The following RSPRY1 variants were observed in gnomAD, a reference collection of about 807,000 sequenced individuals.
The protein encoded by RSPRY1 is ring finger and SPRY domain containing 1.
A neutral mutation model predicts 73.1 loss-of-function variants in RSPRY1; 23 were observed. The ratio of observed to expected loss-of-function variants is 0.31; its 90% CI spans 0.23 to 0.45. The LOEUF (loss-of-function observed/expected upper bound fraction) is 0.45, where lower values mean the gene tolerates loss of function less well. RSPRY1 is among the 20% of genes least tolerant of loss of function. RSPRY1 has a pLI of 1.00. For missense variants in RSPRY1, 448 were observed against 698.7 expected (o/e 0.64, Z 4.05); for synonymous variants, 226 against 251.4 (o/e 0.90, Z 0.95).
At chr16:57,210,415 A>G (rs2074817751) in intron 4 of RSPRY1, among the ~76,000 whole-genome samples, 1 of 152,044 alleles carries the variant, frequency 6.6e-6, no homozygotes, top group African/African-American at 2.4e-5. Context: ...AAATAGAAGC[A>G]TTTAAGGCTG....
chr16:57,204,579 A>C lies in RSPRY1; in HGVS notation c.-80A>C. The C allele has an allele frequency of 7.8e-7, 1 of 1,274,220 alleles. No individual in the cohort carries two copies. Among genetic ancestry groups the C allele is most frequent in the African/African-American group, 1.5e-5 (1 of 67,936 alleles). 78.9% of individuals were successfully genotyped at this position (1,274,220 alleles called of 1,614,324 possible). A position where few individuals can be genotyped will look rare whatever the true frequency, so the allele number is the denominator to read the frequency against. On this transcript the variant is annotated 5_prime_UTR_variant, in exon 2 of 15. Coordinates refer to ENST00000394420, the MANE Select transcript of RSPRY1 (RefSeq NM_133368.3). ...AGCTCTGCAACTTTCTTTGGCATTCAGTTGTTAAAAACAAATAGGATGCAA... is the reference window on the plus strand; with the variant it reads ...AGCTCTGCAACTTTCTTTGGCATTCCGTTGTTAAAAACAAATAGGATGCAA...
intron 1 of RSPRY1, among the ~76,000 whole-genome samples, chr16:57,193,804 G>A (rs563269742): frequency 2.0e-5 from 3 of 152,180 alleles, no homozygotes; most frequent in African/African-American, 4.8e-5. Flanking sequence ...GGTGGCTCAC[G>A]CCTGTAATCC....
At chr16:57,200,523 C>T (rs1345629593) in intron 1 of RSPRY1, among the ~76,000 whole-genome samples, 1 of 149,894 alleles carries the variant, frequency 6.7e-6, no homozygotes, top group Non-Finnish European at 1.5e-5. Context: ...GGGTGGCTGG[C>T]CGGGCGGGGG....
intron 5 of RSPRY1, among the ~76,000 whole-genome samples, 160 bp from the exon 6 acceptor site, chr16:57,213,728 T>G (rs1464436999): frequency 6.6e-6 from 1 of 152,232 alleles, no homozygotes; most frequent in Non-Finnish European, 1.5e-5. Context: ...CTCACTTGCT[T>G]AACTGTGAAA....
intron 7 of RSPRY1, among the ~76,000 whole-genome samples, 155 bp from the exon 8 acceptor site, chr16:57,216,749 C>T (rs2074948184): frequency 6.6e-6 from 1 of 152,126 alleles, no homozygotes; most frequent in Admixed American, 6.5e-5. Context: ...ATAGTCAAAG[C>T]TCTTTGGCTA....
chr16:57,205,311 T>C, intron 2 of RSPRY1: 1 of 315,440 alleles, frequency 3.2e-6, no homozygotes, highest in South Asian at 3.9e-5. Flanking sequence ...CTAGCTACAA[T>C]AGGAAATGGT....
chr16:57,191,417 T>G (rs1432821254), intron 1 of RSPRY1, among the ~76,000 whole-genome samples: 1 of 152,032 alleles, frequency 6.6e-6, no homozygotes, highest in Non-Finnish European at 1.5e-5. Flanking sequence ...AATATTGGAG[T>G]TTACTGTGGT....
At chr16:57,187,858 T>C (rs1439195136) in intron 1 of RSPRY1, among the ~76,000 whole-genome samples, 1 of 152,228 alleles carries the variant, frequency 6.6e-6, no homozygotes, top group Non-Finnish European at 1.5e-5. Flanking sequence ...AGTTTTCATT[T>C]ACTTTGAACT....
intron 2 of RSPRY1, chr16:57,207,504 A>G: frequency 4.6e-6 from 2 of 434,060 alleles, no homozygotes; most frequent in Non-Finnish European, 9.3e-6. Context: ...CTTTGGAGCA[A>G]TGTCTAGAAT....
chr16:57,215,531 A>C (rs192510352), intron 6 of RSPRY1, among the ~76,000 whole-genome samples: 31 of 152,336 alleles, frequency 2.0e-4, no homozygotes, highest in African/African-American at 7.5e-4. Context: ...CTTTCCTTAA[A>C]GGGGAACTCA....
chr16:57,199,895 G>GTTTTTTTT, intron 1 of RSPRY1, among the ~76,000 whole-genome samples: 1 of 106,276 alleles, frequency 9.4e-6, no homozygotes, highest in South Asian at 3.0e-4. Flanking sequence ...TTTTTTGTTT[G>GTTTTTTTT]TTTTTTTTTT....
intron 1 of RSPRY1, among the ~76,000 whole-genome samples, chr16:57,202,858 A>C (rs1325517938): frequency 7.2e-6 from 1 of 138,534 alleles, no homozygotes; most frequent in Non-Finnish European, 1.5e-5. Flanking sequence ...CCCTCTTTAT[A>C]TATATTTTAT....
Position 57,238,882 on chromosome 16 carries a change from C to A in RSPRY1, c.1638C>A (p.Asp546Glu), listed in dbSNP as rs2075340009. ...ACTTTTCTGTGTTTCTCCCCAGTGA[C>A]CTGTGCATGGATTGTGCCTTGCAGC... is the stretch of plus-strand genomic sequence containing the variant. ...DTQLKPCGHSDLCMDCALQLE... is the reference protein window; with the variant it reads ...DTQLKPCGHSELCMDCALQLE... The change falls in exon 15 of 15, where the codon GAC becomes GAA. Residue 546 changes from aspartate (D) to glutamate (E), a missense_variant. Asp to Glu is a conservative substitution (Grantham distance 45). Transcript: ENST00000394420. 1.3e-6 allele frequency: 2 copies of A among 1,585,536 alleles called. No homozygotes were observed. The highest frequency in any genetic ancestry group is 1.8e-5 in the Admixed American group (1 of 56,096).
intron 6 of RSPRY1, among the ~76,000 whole-genome samples, chr16:57,214,693 A>G (rs550521220): frequency 2.0e-5 from 3 of 152,378 alleles, no homozygotes; most frequent in African/African-American, 7.2e-5. Context: ...ATTAGCCTCC[A>G]TTTTATCACA....
At chr16:57,215,216 G>A (rs1298858551) in intron 6 of RSPRY1, among the ~76,000 whole-genome samples, 1 of 152,182 alleles carries the variant, frequency 6.6e-6, no homozygotes, top group African/African-American at 2.4e-5. Flanking sequence ...CAGAAGTCCA[G>A]AGACAGAGAA....
chr16:57,199,331 A>G (rs755291083), intron 1 of RSPRY1, among the ~76,000 whole-genome samples: 4 of 152,088 alleles, frequency 2.6e-5, no homozygotes, highest in Non-Finnish European at 5.9e-5. Flanking sequence ...TGTCTCTACT[A>G]AAAATACAAA....
chr16:57,218,958 G>A lies in RSPRY1; in HGVS notation c.902-1774G>A, dbSNP rs934397805. ...TCACCGTTTTAGCCGGGATGGTCTC[G>A]ATCTCCTGACCTCGTGATCCGCCCG... On this transcript the variant is annotated intron_variant, in intron 8 of 14. Coordinates refer to ENST00000394420, the MANE Select transcript of RSPRY1 (RefSeq NM_133368.3). 1.4e-4 allele frequency among the ~76,000 whole-genome samples: 20 copies of A among 146,954 alleles called. 3 individuals carry two copies. Among genetic ancestry groups the A allele is most frequent in the African/African-American group, 4.8e-4 (19 of 39,318 alleles).
At chr16:57,210,970 A>G (rs1224656336) in intron 4 of RSPRY1, among the ~76,000 whole-genome samples, 3 of 152,152 alleles carry the variant, frequency 2.0e-5, no homozygotes, top group Non-Finnish European at 2.9e-5. Context: ...GTGAGACAAG[A>G]TGGCGTTATT....
chr16:57,196,750 A>G (rs1160517190), intron 1 of RSPRY1, among the ~76,000 whole-genome samples: 1 of 152,170 alleles, frequency 6.6e-6, no homozygotes, highest in Non-Finnish European at 1.5e-5. Context: ...TTTTAACTCA[A>G]GTTTTACTCC....
Sources: allele counts gnomAD v4.1 joint callset (sites outside exome capture counted in the v4.1 genomes callset), GRCh38; gene constraint gnomAD v4.1.1; transcripts MANE v1.5; gene names NCBI Gene and HGNC (gene_info 2026-07-23, HGNC 2026-07-21).